HHLA1: variants seen among roughly 807,000 people sequenced by gnomAD.
The protein encoded by HHLA1 is HHLA1 neighbor of OC90, also known as HERV-H LTR-associating protein 1.
A neutral mutation model predicts 69.9 loss-of-function variants in HHLA1; 72 were observed. The observed-to-expected ratio is 1.03, with a 90% CI of 0.85 to 1.25. The LOEUF is 1.25. Ranked by LOEUF, HHLA1 falls within the 50% of genes most tolerant of loss-of-function variation. The probability of loss-of-function intolerance (pLI) is 0.00; values close to 1 mark genes in which losing one functional copy is unlikely to be tolerated. For synonymous variants in HHLA1, 252 were observed against 233.2 expected (o/e 1.08, Z -0.73); for missense variants, 685 against 642.2 (o/e 1.07, Z -0.72).
At chr8:132,110,436 G>A (rs1039100612) in intron 1 of HHLA1, among the ~76,000 whole-genome samples, 1 of 152,160 alleles carries the variant, frequency 6.6e-6, no homozygotes, top group East Asian at 1.9e-4. Flanking sequence ...AAAGGTGAGG[G>A]GCTGGCTTTT....
chr8:132,087,338 G>GA (rs1455659436), intron 10 of HHLA1, among the ~76,000 whole-genome samples: 1 of 152,034 alleles, frequency 6.6e-6, no homozygotes. Flanking sequence ...GTTAATATGA[G>GA]AAAAAAGTGG....
intron 3 of HHLA1, among the ~76,000 whole-genome samples, chr8:132,100,684 A>G (rs1824098132): frequency 6.6e-6 from 1 of 152,198 alleles, no homozygotes; most frequent in Non-Finnish European, 1.5e-5. Flanking sequence ...GGTAAAGGGG[A>G]ATGAACCCGG....
chr8:132,091,577 A>C (rs1823945973), intron 7 of HHLA1, among the ~76,000 whole-genome samples: 1 of 152,178 alleles, frequency 6.6e-6, no homozygotes, highest in African/African-American at 2.4e-5. Context: ...GTTATTATTA[A>C]CTCAAAGATA....
chr8:132,080,100 G>A, intron 10 of HHLA1, 134 bp from the exon 11 acceptor site: 2 of 1,248,372 alleles, frequency 1.6e-6, no homozygotes, highest in Non-Finnish European at 1.1e-6. Flanking sequence ...TCAGGCATTT[G>A]CTATGTTTCC....
chr8:132,075,517 T>G (rs981064121), intron 14 of HHLA1, among the ~76,000 whole-genome samples: 1 of 152,152 alleles, frequency 6.6e-6, no homozygotes, highest in African/African-American at 2.4e-5. Flanking sequence ...TTCGTCTAGA[T>G]CCATGAGAAT....
chr8:132,084,389 G>A (rs1823823016), intron 10 of HHLA1, among the ~76,000 whole-genome samples: 2 of 151,254 alleles, frequency 1.3e-5, no homozygotes, highest in East Asian at 3.9e-4. Context: ...GGACAGGCTG[G>A]AGGGAAAGAA....
intron 7 of HHLA1, among the ~76,000 whole-genome samples, chr8:132,094,007 G>A (rs1823983355): frequency 6.6e-6 from 1 of 152,064 alleles, no homozygotes; most frequent in African/African-American, 2.4e-5. Context: ...CTACTCAGTG[G>A]GGGAAATAAT....
intron 10 of HHLA1, among the ~76,000 whole-genome samples, chr8:132,086,414 A>G (rs1250224349): frequency 6.6e-6 from 1 of 152,042 alleles, no homozygotes; most frequent in African/African-American, 2.4e-5. Context: ...GCCCATTAAC[A>G]CCCTGCGTGC....
In HHLA1 at chr8:132,082,964, G is replaced by C. The variant is rs1237303560; in HGVS notation, c.677-2998C>G. ...ACAGGCTTTAATCTTTTTAAAGCGTGCTGTGGGATGGGATATTGGCATTGA... is the reference window on the plus strand; with the variant it reads ...ACAGGCTTTAATCTTTTTAAAGCGTCCTGTGGGATGGGATATTGGCATTGA... On this transcript the variant is annotated intron_variant, in intron 10 of 16. Transcript: ENST00000414222. 1.5e-4 allele frequency among the ~76,000 whole-genome samples: 23 copies of C among 151,464 alleles called. No homozygotes were observed. In the East Asian group the frequency reaches 4.5e-3, roughly 29 times the overall value.
At chr8:132,097,420 T>C (rs528549388) in intron 5 of HHLA1, among the ~76,000 whole-genome samples, 1 of 152,320 alleles carries the variant, frequency 6.6e-6, no homozygotes, top group African/African-American at 2.4e-5. Flanking sequence ...TCCAACTCTA[T>C]GTGGCAATGG....
intron 1 of HHLA1, among the ~76,000 whole-genome samples, chr8:132,107,258 C>T (rs1426774732): frequency 6.6e-6 from 1 of 151,950 alleles, no homozygotes; most frequent in African/African-American, 2.4e-5. Flanking sequence ...TGTTAACCAC[C>T]CTCTTCCATT....
intron 12 of HHLA1, among the ~76,000 whole-genome samples, chr8:132,077,403 T>A (rs1823663198): frequency 6.6e-6 from 1 of 151,980 alleles, no homozygotes; most frequent in African/African-American, 2.4e-5. Flanking sequence ...TGCCTGGAAT[T>A]TCAGGCCCGG....
intron 1 of HHLA1, among the ~76,000 whole-genome samples, chr8:132,106,846 G>T (rs1032394178): frequency 3.9e-5 from 6 of 152,216 alleles, no homozygotes; most frequent in Non-Finnish European, 2.9e-5. Context: ...AAGGGTGACT[G>T]GGGGTGGAAG....
At chr8:132,087,299 C>T (rs1459371633) in intron 10 of HHLA1, among the ~76,000 whole-genome samples, 10 of 151,936 alleles carry the variant, frequency 6.6e-5, no homozygotes, top group Admixed American at 6.6e-4. Flanking sequence ...CATGGGGTCA[C>T]AAATTCAAAT....
At chr8:132,086,523 A>C (rs1309766598) in intron 10 of HHLA1, among the ~76,000 whole-genome samples, 1 of 152,176 alleles carries the variant, frequency 6.6e-6, no homozygotes, top group African/African-American at 2.4e-5. Flanking sequence ...CAGGCACATC[A>C]ACTTTAGCAT....
chr8:132,084,470 C>T (rs1000543411), intron 10 of HHLA1, among the ~76,000 whole-genome samples: 33 of 152,056 alleles, frequency 2.2e-4, no homozygotes, highest in Non-Finnish European at 8.8e-5. Flanking sequence ...AATGCCTGGA[C>T]GTCAGGCACC....
chr8:132,101,967 G>A (rs1824118002), intron 3 of HHLA1, among the ~76,000 whole-genome samples: 2 of 152,176 alleles, frequency 1.3e-5, no homozygotes, highest in Non-Finnish European at 2.9e-5. Context: ...TTGTGTAACC[G>A]AAATTTCATA....
At chr8:132,094,414 C>G (rs1823989799) in intron 7 of HHLA1, among the ~76,000 whole-genome samples, 1 of 152,094 alleles carries the variant, frequency 6.6e-6, no homozygotes, top group African/African-American at 2.4e-5. Flanking sequence ...TCTGCAACAC[C>G]CTCCCCACTT....
rs1452985879 is a variant in HHLA1, at chr8:132,077,913, G to A, written c.984C>T (p.Ser328=). Residue 328 remains serine (S), a synonymous_variant, in exon 12 of 17, where the codon TCC becomes TCT. Transcript: ENST00000414222. The stretch of plus-strand genomic sequence containing the variant: ...TCTGAGCCCAGGGCACGGACGATAT[G>A]GAAGCCCACGTCTGTCTGTCAGCTG... The part of the protein sequence containing the change: ...WLTADRQTWA[S]ISSVPWAQTI... 8 of 1,551,554 alleles carry A rather than the reference G, an allele frequency of 5.2e-6. No homozygotes were observed. The highest frequency in any genetic ancestry group is 7.0e-6 in the Non-Finnish European group (8 of 1,146,920).
Sources: allele counts gnomAD v4.1 joint callset (sites outside exome capture counted in the v4.1 genomes callset), GRCh38; gene constraint gnomAD v4.1.1; transcripts MANE v1.5; gene names NCBI Gene and HGNC (gene_info 2026-07-23, HGNC 2026-07-21).